NECTIN1: variants seen among roughly 807,000 people sequenced by gnomAD.
NECTIN1 encodes the protein nectin-1.
Under a neutral mutation model 48.0 loss-of-function variants are expected in NECTIN1, and 23 were observed. The ratio of observed to expected loss-of-function variants is 0.48; its 90% confidence interval spans 0.34 to 0.68. The LOEUF (loss-of-function observed/expected upper bound fraction) is 0.68. Among genes scored for constraint, NECTIN1 ranks in the 30% least tolerant of loss-of-function variants. NECTIN1 has a pLI of 0.01. For synonymous variants in NECTIN1, 270 were observed against 288.9 expected (o/e 0.93, Z 0.66); for missense variants, 591 against 709.9 (o/e 0.83, Z 1.90).
intron 1 of NECTIN1, among the ~76,000 whole-genome samples, chr11:119,689,379 C>A (rs1413108396): frequency 6.6e-6 from 1 of 152,180 alleles, no homozygotes; most frequent in Non-Finnish European, 1.5e-5. Context: ...ACAGCATCAG[C>A]CCTTGAGCCC....
downstream of NECTIN1, among the ~76,000 whole-genome samples, chr11:119,659,586 A>G (rs1423131822): frequency 6.6e-6 from 1 of 152,124 alleles, no homozygotes; most frequent in African/African-American, 2.4e-5. Context: ...GAAGACTAAG[A>G]GTATGCCCTT....
chr11:119,723,853 AC>A (rs1313902433), intron 1 of NECTIN1, among the ~76,000 whole-genome samples: 18 of 151,998 alleles, frequency 1.2e-4, no homozygotes, highest in Admixed American at 9.8e-4. Flanking sequence ...CCCAGCCAGC[AC>A]ATCTGCTGCT....
rs117903293 is a variant in NECTIN1, at chr11:119,701,873, C to T, written c.80-23108G>A. 7.0e-4 allele frequency among the ~76,000 whole-genome samples: 106 copies of T among 152,274 alleles called. No homozygotes were observed. In the East Asian group the frequency reaches 0.015, roughly 21 times the overall value. The stretch of plus-strand genomic sequence containing the variant: ...GCCTCCGCCTCACTGGCTCCCGCCC[C>T]GTCCCTGTCCCTCCACTGCTCCAGG... On this transcript the variant is annotated intron_variant, in intron 1 of 5. Transcript: ENST00000264025.
chr11:119,642,058 TTGCACGTCTGAC>T (rs1864334466), intron 5 of NECTIN1: 1 of 152,250 alleles, frequency 6.6e-6, no homozygotes, highest in Non-Finnish European at 1.5e-5. Flanking sequence ...CAGACTGTGA[TTGCACGTCTGAC>T]TTGTCTCCCC....
intron 1 of NECTIN1, among the ~76,000 whole-genome samples, chr11:119,705,878 C>A (rs951826319): frequency 6.6e-6 from 1 of 151,922 alleles, no homozygotes; most frequent in African/African-American, 2.4e-5. Context: ...CTCTCCCACC[C>A]CTCCAGGTGA....
chr11:119,657,918 C>A (rs866329703), downstream of NECTIN1, among the ~76,000 whole-genome samples: 106 of 51,430 alleles, frequency 2.1e-3, no homozygotes, highest in Middle Eastern at 0.02. Context: ...AAGACCCCGT[C>A]TCAAAAAAAA....
At chr11:119,689,506 G>A (rs1157931307) in intron 1 of NECTIN1, among the ~76,000 whole-genome samples, 1 of 152,258 alleles carries the variant, frequency 6.6e-6, no homozygotes, top group Non-Finnish European at 1.5e-5. Flanking sequence ...GCACTCTGCT[G>A]TGGGAGGGAG....
At chr11:119,682,151 C>T (rs1401117424) in intron 1 of NECTIN1, among the ~76,000 whole-genome samples, 1 of 152,088 alleles carries the variant, frequency 6.6e-6, no homozygotes, top group African/African-American at 2.4e-5. Flanking sequence ...GGAGAAGGAC[C>T]CTCATTCTTT....
chr11:119,682,639 T>C (rs977528060), intron 1 of NECTIN1, among the ~76,000 whole-genome samples: 1 of 152,192 alleles, frequency 6.6e-6, no homozygotes, highest in Non-Finnish European at 1.5e-5. Context: ...GGGATTATAA[T>C]AGCTAATACC....
intron 1 of NECTIN1, among the ~76,000 whole-genome samples, chr11:119,700,557 C>T (rs993298742): frequency 2.6e-5 from 4 of 152,104 alleles, no homozygotes; most frequent in African/African-American, 7.2e-5. Context: ...AACAGGCTGC[C>T]GGTGTGGAAG....
At chr11:119,692,711 G>A (rs1334891815) in intron 1 of NECTIN1, among the ~76,000 whole-genome samples, 1 of 152,200 alleles carries the variant, frequency 6.6e-6, no homozygotes, top group Non-Finnish European at 1.5e-5. Flanking sequence ...CTCCAGGAGC[G>A]AGATTGTCCC....
intron 1 of NECTIN1, among the ~76,000 whole-genome samples, chr11:119,682,327 T>C (rs1865073117): frequency 6.6e-6 from 1 of 151,974 alleles, no homozygotes; most frequent in African/African-American, 2.4e-5. Context: ...CCAGGATTGA[T>C]AAAAGGCAGC....
rs998507978 is a variant in NECTIN1, at chr11:119,664,226, C to G, written c.*521G>C. On this transcript the variant is annotated 3_prime_UTR_variant, in exon 6 of 6. Transcript: ENST00000264025. ...CTCTTGGGCGCACCAGCTGTCTAGA[C>G]CCAAGGTCCAAACTCCCAGCTGCAT... The G allele has an allele frequency of 8.0e-5, 79 of 989,662 alleles. No individual in the cohort carries two copies. The highest frequency in any genetic ancestry group is 8.6e-5 in the Non-Finnish European group (72 of 832,464). The allele number at this position is 989,662 out of a possible 1,614,324, so 61.3% of individuals were successfully genotyped here. A position where few individuals can be genotyped will look rare whatever the true frequency, so the allele number is the denominator to read the frequency against.
In NECTIN1 at chr11:119,665,414, G is replaced by A. The variant is rs1315803207; in HGVS notation, c.1004-117C>T. The A allele has an allele frequency of 6.9e-7, 1 of 1,446,708 alleles. No individual in the cohort carries two copies. The highest frequency in any genetic ancestry group is 9.1e-7 in the Non-Finnish European group (1 of 1,103,246). 89.6% of individuals were successfully genotyped at this position (1,446,708 alleles called of 1,614,324 possible). ...GGAAGGACAGGCTGTCTGCACCCCA[G>A]GTTTGAGCAGCTCCAGTTCGAGGCC... On this transcript the variant is annotated intron_variant, in intron 5 of 5. Transcript: ENST00000264025. The surrounding 1 kb of genome is among the most constrained non-coding windows in gnomAD (Gnocchi z 5.1).
chr11:119,708,918 C>T (rs952672110), intron 1 of NECTIN1, among the ~76,000 whole-genome samples: 3 of 152,004 alleles, frequency 2.0e-5, no homozygotes, highest in Non-Finnish European at 4.4e-5. Context: ...CACGGCTCAG[C>T]GCAGCTGCTA....
intron 6 of NECTIN1, chr11:119,639,475 C>T: frequency 3.1e-6 from 1 of 318,502 alleles, no homozygotes; most frequent in South Asian, 3.2e-5. Context: ...CTTTGTGCCT[C>T]TCTCTCCTCT....
exon 6 of NECTIN1, chr11:119,639,912 G>A: frequency 6.2e-7 from 1 of 1,614,202 alleles, no homozygotes; most frequent in Non-Finnish European, 8.5e-7. Context: ...GGTTGTACAG[G>A]AAGAAGACAG....
intron 5 of NECTIN1, among the ~76,000 whole-genome samples, chr11:119,652,695 G>C (rs913242950): frequency 6.6e-6 from 1 of 152,180 alleles, no homozygotes; most frequent in African/African-American, 2.4e-5. Context: ...AAGAGTGGGC[G>C]AGAAGCAGAG....
At chr11:119,720,874 G>A (rs1361615278) in intron 1 of NECTIN1, among the ~76,000 whole-genome samples, 1 of 152,196 alleles carries the variant, frequency 6.6e-6, no homozygotes, top group Non-Finnish European at 1.5e-5. Context: ...GAGCTGGGGA[G>A]GGGTGGGACT....
Sources: gnomAD v4.1 joint callset for allele counts (sites outside exome capture counted in the v4.1 genomes callset) on GRCh38, gnomAD v4.1.1 for gene constraint, Gnocchi (gnomAD v3.1) non-coding constraint, MANE v1.5 for transcripts, NCBI Gene and HGNC (gene_info 2026-07-23, HGNC 2026-07-21) for gene names.